Variants in KAZN observed in about 807,000 individuals in gnomAD.
KAZN encodes kazrin.
KAZN carries 40 observed loss-of-function variants against 87.4 expected under a neutral mutation model. The observed-to-expected ratio is 0.46, with a 90% CI of 0.36 to 0.60. KAZN has a LOEUF of 0.60. Ranked by LOEUF, KAZN falls within the 20% of genes least tolerant of loss-of-function variation. The pLI, the probability that KAZN is intolerant of heterozygous loss-of-function variation, is 0.00. For synonymous variants in KAZN, 466 were observed against 458.3 expected (o/e 1.02, Z -0.22); for missense variants, 898 against 1,073.9 (o/e 0.84, Z 2.29).
chr1:14,641,828 A>G lies in KAZN; in HGVS notation c.226+42605A>G, dbSNP rs572972399. The stretch of plus-strand genomic sequence containing the variant: ...AACATTTATTAAATTGGACTTCATC[A>G]AAATTAAAAACTTCTTCTCTGCAAG... On this transcript the variant is annotated intron_variant, in intron 1 of 14. Coordinates refer to ENST00000376030, the MANE Select transcript of KAZN (RefSeq NM_201628.3). 2.0e-5 allele frequency among the ~76,000 whole-genome samples: 3 copies of G among 152,380 alleles called. No individual in the cohort carries two copies. In the East Asian group the frequency reaches 5.8e-4, roughly 29 times the overall value.
intron 1 of KAZN, among the ~76,000 whole-genome samples, chr1:13,925,656 G>C (rs1488735086): frequency 6.6e-6 from 1 of 152,174 alleles, no homozygotes; most frequent in African/African-American, 2.4e-5. Flanking sequence ...ACTGTTGAAG[G>C]GAATTTAGAT....
chr1:15,104,143 C>CG lies in KAZN; in HGVS notation c.2004dup (p.Arg669GlufsTer23). The CG allele has an allele frequency of 1.2e-6, 2 of 1,605,222 alleles. No individual in the cohort carries two copies. The highest frequency in any genetic ancestry group is 1.7e-6 in the Non-Finnish European group (2 of 1,176,232). On this transcript the variant is annotated frameshift_variant, in exon 13 of 15. Transcript: ENST00000376030. LOFTEE classifies it high-confidence loss of function. The stretch of plus-strand genomic sequence containing the variant: ...CATCCCCAGTGGGAAGCACATCCTC[C>CG]GGAGACACCTGGCAGAGGAGATGAG...
intron 1 of KAZN, among the ~76,000 whole-genome samples, chr1:14,933,910 T>C (rs1660137830): frequency 6.6e-6 from 1 of 150,952 alleles, no homozygotes; most frequent in Non-Finnish European, 1.5e-5. Flanking sequence ...TGCAGTGATG[T>C]GATCTCGGCT....
At chr1:14,236,876 A>G (rs1361020793) in intron 2 of KAZN, among the ~76,000 whole-genome samples, 2 of 152,162 alleles carry the variant, frequency 1.3e-5, no homozygotes, top group African/African-American at 4.8e-5. Context: ...ATGAGCCATG[A>G]TCACACCACT....
intron 1 of KAZN, among the ~76,000 whole-genome samples, chr1:13,977,954 C>T (rs1342842342): frequency 6.6e-6 from 1 of 151,898 alleles, no homozygotes; most frequent in Non-Finnish European, 1.5e-5. Context: ...GGTGAAACCC[C>T]GTCTCTATTA....
chr1:15,038,573 G>A (rs1320546970), intron 3 of KAZN, among the ~76,000 whole-genome samples: 1 of 152,122 alleles, frequency 6.6e-6, no homozygotes, highest in South Asian at 2.1e-4. Flanking sequence ...GCATGAATGT[G>A]ATATTACCAA....
rs138691165 is a variant in KAZN at position 14,605,914 on chromosome 1, T to C, written c.226+6691T>C. 5.3e-3 allele frequency among the ~76,000 whole-genome samples: 811 copies of C among 152,356 alleles called. 5 individuals are homozygous for C. The highest frequency in any genetic ancestry group is 7.8e-3 in the Non-Finnish European group (528 of 68,042). ...TAGTAGCAGACTTCAGCATAGTGTG[T>C]ACTCTGAGCCAGATACTGTTCTAAG... is the stretch of plus-strand genomic sequence containing the variant. On this transcript the variant is annotated intron_variant, in intron 1 of 14. Coordinates refer to ENST00000376030, the MANE Select transcript of KAZN (RefSeq NM_201628.3).
At chr1:14,080,049 G>C (rs577307261) in intron 1 of KAZN, among the ~76,000 whole-genome samples, 1 of 139,550 alleles carries the variant, frequency 7.2e-6, no homozygotes, top group Non-Finnish European at 1.6e-5. Context: ...TTGGTGATTA[G>C]GTCTCAACAG....
Position 15,104,061 on chromosome 1 carries a change from T to G in KAZN, c.1920T>G (p.Gly640=), listed in dbSNP as rs1477735857. ...ACCTGACCAACAGCGGCGTCCATGG[T>G]GCTGTGCTGGTGCTGGAGCCCACAT... ...ADNLTNSGVH[G]AVLVLEPTFN... is the part of the protein sequence containing the mutation. Residue 640 remains glycine (G), a synonymous_variant, in exon 13 of 15, where the codon GGT becomes GGG. Coordinates refer to ENST00000376030, the MANE Select transcript of KAZN (RefSeq NM_201628.3). 5 of 1,613,636 alleles carry G rather than the reference T, an allele frequency of 3.1e-6. No individual in the cohort carries two copies. Among genetic ancestry groups the G allele is most frequent in the African/African-American group, 2.7e-5 (2 of 74,922 alleles).
chr1:14,659,278 A>G (rs927131396), intron 1 of KAZN, among the ~76,000 whole-genome samples: 2 of 152,130 alleles, frequency 1.3e-5, no homozygotes, highest in South Asian at 2.1e-4. Flanking sequence ...AGAGACTGCC[A>G]GGAAAGGACA....
chr1:14,924,448 G>T, intron 1 of KAZN: 1 of 988,842 alleles, frequency 1.0e-6, no homozygotes, highest in Non-Finnish European at 1.2e-6. Context: ...GCGGGGCGGG[G>T]GCCGGGCCCG....
intron 1 of KAZN, among the ~76,000 whole-genome samples, chr1:13,999,322 T>C (rs1281597451): frequency 6.6e-6 from 1 of 151,496 alleles, no homozygotes; most frequent in African/African-American, 2.4e-5. Context: ...CGCTCCAGCC[T>C]GGGTGACGGT....
At chr1:14,139,306 A>G (rs1309993435) in intron 1 of KAZN, among the ~76,000 whole-genome samples, 1 of 152,214 alleles carries the variant, frequency 6.6e-6, no homozygotes, top group Non-Finnish European at 1.5e-5. Context: ...GGTAATGGCT[A>G]CTGTGTCATC....
intron 1 of KAZN, among the ~76,000 whole-genome samples, chr1:13,915,111 G>A (rs1057164204): frequency 2.6e-5 from 4 of 152,190 alleles, no homozygotes; most frequent in Admixed American, 2.6e-4. Flanking sequence ...ACACATGCAT[G>A]TGTATACGTG....
chr1:14,220,644 C>T (rs1156257345), intron 2 of KAZN, among the ~76,000 whole-genome samples: 1 of 152,142 alleles, frequency 6.6e-6, no homozygotes, highest in Non-Finnish European at 1.5e-5. Flanking sequence ...CAGACCAGTA[C>T]CAGGCACTTT....
chr1:14,338,315 GAAAA>G, intron 2 of KAZN, among the ~76,000 whole-genome samples: 1 of 150,018 alleles, frequency 6.7e-6, no homozygotes, highest in African/African-American at 2.5e-5. Flanking sequence ...CTCCACTAAA[GAAAA>G]AAAAATACAA....
At chr1:14,983,088 C>T (rs1199602636) in intron 2 of KAZN, among the ~76,000 whole-genome samples, 2 of 152,208 alleles carry the variant, frequency 1.3e-5, no homozygotes, top group Non-Finnish European at 2.9e-5. Context: ...AGCAGGGGGG[C>T]TTTTTATTCC....
rs553921440 is a variant in KAZN, at chr1:13,986,494, G to T, written c.91+92738G>T. On this transcript the variant is annotated intron_variant, in intron 1 of 16. Coordinates refer to the KAZN transcript ENST00000636203. ...TCCAAATTAATTTTTATAGGTCCTAGTTAGAGTTAGAGACCTTTCTTGCAT... is the reference window on the plus strand; with the variant it reads ...TCCAAATTAATTTTTATAGGTCCTATTTAGAGTTAGAGACCTTTCTTGCAT... Among the ~76,000 whole-genome samples, 11 of 152,318 alleles carry T rather than the reference G, an allele frequency of 7.2e-5. No individual in the cohort carries two copies. In the South Asian group the frequency reaches 2.3e-3, roughly 32 times the overall value.
chr1:15,101,386 G>A (rs756931217), intron 10 of KAZN, among the ~76,000 whole-genome samples, 157 bp from the exon 11 acceptor site: 24 of 150,056 alleles, frequency 1.6e-4, no homozygotes, highest in Middle Eastern at 3.4e-3. Context: ...TTGATCTCTC[G>A]GCTCCATCCC....
Sources: gnomAD v4.1 joint callset for allele counts (sites outside exome capture counted in the v4.1 genomes callset) on GRCh38, gnomAD v4.1.1 for gene constraint, MANE v1.5 for transcripts, NCBI Gene and HGNC (gene_info 2026-07-23, HGNC 2026-07-21) for gene names.